SGCZ: variants seen among roughly 807,000 people sequenced by gnomAD.
SGCZ encodes the protein sarcoglycan zeta.
In SGCZ, 40 loss-of-function variants were observed where a neutral mutation model predicts 41.3. The ratio of observed to expected loss-of-function variants is 0.97; its 90% CI spans 0.75 to 1.26. SGCZ has a LOEUF of 1.26. SGCZ is among the 50% of genes most tolerant of loss of function. SGCZ has a pLI of 0.00. For missense variants in SGCZ, 552 were observed against 369.8 expected (o/e 1.49, Z -4.04); for synonymous variants, 206 against 137.5 (o/e 1.50, Z -3.49).
chr8:14,460,907 C>T (rs1800884059), intron 2 of SGCZ, among the ~76,000 whole-genome samples: 2 of 152,050 alleles, frequency 1.3e-5, no homozygotes, highest in Admixed American at 1.3e-4. Flanking sequence ...TTTCATTTGG[C>T]CCATATTCTC....
chr8:14,610,882 G>C (rs1229442697), intron 1 of SGCZ, among the ~76,000 whole-genome samples: 4 of 152,128 alleles, frequency 2.6e-5, no homozygotes, highest in Admixed American at 2.6e-4. Flanking sequence ...CAAATATTCA[G>C]ATAATATTTA....
chr8:14,620,561 A>G (rs1360863592), intron 1 of SGCZ, among the ~76,000 whole-genome samples: 2 of 149,792 alleles, frequency 1.3e-5, no homozygotes, highest in Non-Finnish European at 1.5e-5. Flanking sequence ...GCTAATATCC[A>G]GAATCTACGA....
At chr8:15,138,446 G>A (rs1356988215) in intron 1 of SGCZ, among the ~76,000 whole-genome samples, 1 of 152,066 alleles carries the variant, frequency 6.6e-6, no homozygotes, top group Non-Finnish European at 1.5e-5. Context: ...GAATAATATG[G>A]TTGGGCGGCA....
At chr8:14,718,475 A>T (rs1174488324) in intron 1 of SGCZ, among the ~76,000 whole-genome samples, 1 of 152,124 alleles carries the variant, frequency 6.6e-6, no homozygotes, top group Non-Finnish European at 1.5e-5. Flanking sequence ...TCAACTAAGT[A>T]AACGTCCCAA....
intron 6 of SGCZ, among the ~76,000 whole-genome samples, chr8:14,105,263 C>A (rs971877344): frequency 6.6e-6 from 1 of 152,076 alleles, no homozygotes; most frequent in Non-Finnish European, 1.5e-5. Flanking sequence ...ACTCATCAAA[C>A]AGCTGCTGAA....
At chr8:15,184,349 C>A (rs1585650183) in intron 1 of SGCZ, among the ~76,000 whole-genome samples, 2 of 152,160 alleles carry the variant, frequency 1.3e-5, no homozygotes, top group East Asian at 3.9e-4. Context: ...ATCATAGAAT[C>A]AAACTCACAC....
intron 2 of SGCZ, among the ~76,000 whole-genome samples, chr8:14,408,200 A>G (rs7823570): frequency 0.13 from 20,476 of 152,138 alleles, 3,018 homozygotes; most frequent in African/African-American, 0.37. Flanking sequence ...TGTTAAAAGG[A>G]AATCATCACG....
chr8:14,210,657 G>T (rs970058533), intron 4 of SGCZ, among the ~76,000 whole-genome samples: 15 of 151,270 alleles, frequency 9.9e-5, no homozygotes, highest in Admixed American at 5.3e-4. Flanking sequence ...AGTAGAGACG[G>T]GGTTTCATCA....
Position 14,554,795 on chromosome 8 carries a change from C to T in SGCZ, c.171G>A (p.Leu57=), listed in dbSNP as rs769190048. 6 of 1,613,020 alleles carry T rather than the reference C, an allele frequency of 3.7e-6. No individual in the cohort carries two copies. The highest frequency in any genetic ancestry group is 5.1e-6 in the Non-Finnish European group (6 of 1,179,502). Residue 57 remains leucine (L), a synonymous_variant, in exon 2 of 8, where the codon TTG becomes TTA. Coordinates refer to ENST00000382080, the MANE Select transcript of SGCZ (RefSeq NM_139167.4). Reference sequence around the variant, plus strand: ...TGGCTAAGTTAACTATCATGGTAACCAACAGCAGAAGGACAAAGAAGTATA... The same window carrying T: ...TGGCTAAGTTAACTATCATGGTAACTAACAGCAGAAGGACAAAGAAGTATA... ...RCLYFFVLLL[L]VTMIVNLAMT... is the part of the protein sequence containing the mutation.
At chr8:14,366,467 C>A (rs1277219979) in intron 2 of SGCZ, among the ~76,000 whole-genome samples, 1 of 152,144 alleles carries the variant, frequency 6.6e-6, no homozygotes, top group African/African-American at 2.4e-5. Flanking sequence ...TCTTTCTAAA[C>A]ACCTGTGGGT....
At chr8:14,232,128 T>C (rs1331066512) in intron 4 of SGCZ, among the ~76,000 whole-genome samples, 4 of 63,868 alleles carry the variant, frequency 6.3e-5, no homozygotes, top group African/African-American at 1.2e-4. Context: ...AAACAAATCT[T>C]CTTTCATCAT....
chr8:14,150,056 T>C (rs776447754), intron 5 of SGCZ, among the ~76,000 whole-genome samples: 3 of 152,116 alleles, frequency 2.0e-5, no homozygotes, highest in Non-Finnish European at 4.4e-5. Flanking sequence ...CTCTAAGACA[T>C]AGATCTATGA....
chr8:14,301,104 C>A (rs968651914), intron 3 of SGCZ, among the ~76,000 whole-genome samples: 2 of 142,256 alleles, frequency 1.4e-5, no homozygotes, highest in African/African-American at 5.1e-5. Context: ...ATCAATTATC[C>A]CTATCCTCTC....
At chr8:14,908,534 G>A (rs932947041) in intron 1 of SGCZ, among the ~76,000 whole-genome samples, 1 of 152,038 alleles carries the variant, frequency 6.6e-6, no homozygotes, top group Non-Finnish European at 1.5e-5. Flanking sequence ...GGAGGATCAC[G>A]AGATCAGCAG....
chr8:14,774,380 T>A (rs1800337919), intron 1 of SGCZ, among the ~76,000 whole-genome samples: 1 of 152,228 alleles, frequency 6.6e-6, no homozygotes, highest in South Asian at 2.1e-4. Context: ...TCTGGAAAAC[T>A]CTAACATACT....
intron 2 of SGCZ, among the ~76,000 whole-genome samples, chr8:14,493,901 G>C (rs968368515): frequency 6.6e-6 from 1 of 151,982 alleles, no homozygotes; most frequent in Non-Finnish European, 1.5e-5. Flanking sequence ...TTGGCAATAA[G>C]TCTAATGGAC....
intron 1 of SGCZ, among the ~76,000 whole-genome samples, chr8:14,604,293 C>CTGGAGAGT (rs1805679480): frequency 1.3e-5 from 2 of 152,160 alleles, no homozygotes; most frequent in South Asian, 4.1e-4. Context: ...CAGTAACTGC[C>CTGGAGAGT]TGGAGAGTTC....
chr8:14,331,315 C>T (rs544693719), intron 2 of SGCZ, among the ~76,000 whole-genome samples: 3 of 152,058 alleles, frequency 2.0e-5, no homozygotes, highest in Non-Finnish European at 4.4e-5. Flanking sequence ...TTAACTTCAA[C>T]TTCTAATTAA....
intron 2 of SGCZ, among the ~76,000 whole-genome samples, chr8:14,387,852 C>A (rs1460686504): frequency 6.6e-6 from 1 of 151,964 alleles, no homozygotes; most frequent in Non-Finnish European, 1.5e-5. Context: ...ACACAAAGAT[C>A]ATTCTAGAAT....
Sources: gnomAD v4.1 joint callset for allele counts (sites outside exome capture counted in the v4.1 genomes callset) on GRCh38, gnomAD v4.1.1 for gene constraint, MANE v1.5 for transcripts, NCBI Gene and HGNC (gene_info 2026-07-23, HGNC 2026-07-21) for gene names.